ERICH6B: variants seen among roughly 807,000 people sequenced by gnomAD.
The protein encoded by ERICH6B is glutamate rich 6B.
Under a neutral mutation model 80.0 loss-of-function variants are expected in ERICH6B, and 69 were observed. That is an observed-to-expected ratio of 0.86 (90% CI 0.71 to 1.05). The LOEUF (loss-of-function observed/expected upper bound fraction) is 1.05. Ranked by LOEUF, ERICH6B falls within the 50% of genes least tolerant of loss-of-function variation. The probability of loss-of-function intolerance (pLI) is 0.00; values close to 1 mark genes in which losing one functional copy is unlikely to be tolerated. For synonymous variants in ERICH6B, 283 were observed against 291.9 expected (o/e 0.97, Z 0.31); for missense variants, 754 against 796.1 (o/e 0.95, Z 0.64).
At chr13:45,554,971 T>A (rs1039903407) in intron 11 of ERICH6B, among the ~76,000 whole-genome samples, 1 of 152,102 alleles carries the variant, frequency 6.6e-6, no homozygotes, top group African/African-American at 2.4e-5. Context: ...ACCTCATGGG[T>A]GCTTGGTGCA....
In ERICH6B at chr13:45,544,897, G is replaced by T. The variant is rs1456287711; in HGVS notation, c.1735C>A (p.His579Asn). The change falls in exon 14 of 15, where the codon CAC becomes AAC. Residue 579 changes from histidine to asparagine, a missense_variant. Transcript: ENST00000298738. ...GAGATGGGCTGGACAGGGGGTGCGT[G>T]GACATGGATGTTCAGATTCCACCAG... ...WNWWNLNIHV[H>N]APPVQPISLK... The T allele has an allele frequency of 6.4e-7, 1 of 1,551,622 alleles. No individual in the cohort carries two copies. The highest frequency in any genetic ancestry group is 1.4e-5 in the African/African-American group (1 of 73,042).
Position 45,579,812 on chromosome 13 carries a change from T to A in ERICH6B, c.961+121A>T. 6 of 917,820 alleles carry A rather than the reference T, an allele frequency of 6.5e-6. No individual in the cohort carries two copies. The South Asian group carries it at 9.1e-5, about 14-fold the overall frequency. The allele number at this position is 917,820 out of a possible 1,614,324, so 56.9% of individuals were successfully genotyped here. ...TCCGTGTGCCCAGGATGCCCCTCAG[T>A]CCCCTCTGGGCCCTGGGTCATGCTG... On this transcript the variant is annotated intron_variant, in intron 7 of 14. Transcript: ENST00000298738.
At chr13:45,542,163 G>T (rs1873806623) in intron 14 of ERICH6B, among the ~76,000 whole-genome samples, 1 of 152,204 alleles carries the variant, frequency 6.6e-6, no homozygotes, top group South Asian at 2.1e-4. Flanking sequence ...GCCAAGTTCT[G>T]CCTGGGTCTG....
chr13:45,591,315 G>C (rs1343110549), intron 3 of ERICH6B, among the ~76,000 whole-genome samples: 2 of 152,182 alleles, frequency 1.3e-5, no homozygotes, highest in Non-Finnish European at 2.9e-5. Context: ...ATGATGTCTC[G>C]GCTGGGTGAG....
At chr13:45,542,100 GT>G (rs1873804459) in intron 14 of ERICH6B, among the ~76,000 whole-genome samples, 1 of 152,214 alleles carries the variant, frequency 6.6e-6, no homozygotes, top group African/African-American at 2.4e-5. Flanking sequence ...CTCCTTGGGA[GT>G]GTATCTGGGT....
chr13:45,587,659 A>G (rs1390568676), intron 4 of ERICH6B, among the ~76,000 whole-genome samples: 3 of 152,228 alleles, frequency 2.0e-5, no homozygotes, highest in Non-Finnish European at 4.4e-5. Context: ...CTGTCCCTGC[A>G]ATCGGCTCAC....
chr13:45,610,527 T>C (rs1308231928), intron 1 of ERICH6B, among the ~76,000 whole-genome samples: 1 of 152,218 alleles, frequency 6.6e-6, no homozygotes, highest in Non-Finnish European at 1.5e-5. Context: ...TCTCTGTGAA[T>C]TGATTTTGTT....
chr13:45,591,981 C>A (rs1876176073), intron 3 of ERICH6B, among the ~76,000 whole-genome samples: 1 of 151,896 alleles, frequency 6.6e-6, no homozygotes, highest in South Asian at 2.1e-4. Context: ...AGAAACAAAG[C>A]ATGAAAGGAG....
intron 8 of ERICH6B, among the ~76,000 whole-genome samples, chr13:45,573,563 G>A (rs1172483565): frequency 6.6e-6 from 1 of 152,146 alleles, no homozygotes; most frequent in African/African-American, 2.4e-5. Context: ...AGTACTTAAA[G>A]AAATTAAAAA....
rs192100306 is a variant in ERICH6B at position 45,572,725 on chromosome 13, G to T, written c.1050+2117C>A. Among the ~76,000 whole-genome samples, 21 of 152,212 alleles carry T rather than the reference G, an allele frequency of 1.4e-4. No individual in the cohort carries two copies. In the East Asian group the frequency reaches 4.1e-3, roughly 29 times the overall value. ...CAAATTTACATGTATGTCAGAAAAA[G>T]AATTAAGGTCTTTCATATATTAAAA... On this transcript the variant is annotated intron_variant, in intron 8 of 14. Coordinates refer to ENST00000298738, the MANE Select transcript of ERICH6B (RefSeq NM_182542.3).
chr13:45,583,445 A>G (rs1163949914), intron 5 of ERICH6B, among the ~76,000 whole-genome samples: 1 of 152,208 alleles, frequency 6.6e-6, no homozygotes, highest in Non-Finnish European at 1.5e-5. Flanking sequence ...TGTTGAGAGC[A>G]TCCTCATCTT....
intron 9 of ERICH6B, among the ~76,000 whole-genome samples, chr13:45,565,503 A>G (rs954373435): frequency 2.0e-5 from 3 of 152,150 alleles, no homozygotes; most frequent in South Asian, 2.1e-4. Context: ...CCCAAATCTT[A>G]TCTTGAATTC....
intron 3 of ERICH6B, 56 bp from the exon 4 acceptor site, chr13:45,590,753 T>C: frequency 6.8e-7 from 1 of 1,472,120 alleles, no homozygotes; most frequent in Non-Finnish European, 9.3e-7. Flanking sequence ...TTTCTTTCTA[T>C]TTAAAAATAC....
At chr13:45,579,745 C>T (rs1169032077) in intron 7 of ERICH6B, among the ~76,000 whole-genome samples, 188 bp downstream of exon 7, 2 of 152,156 alleles carry the variant, frequency 1.3e-5, no homozygotes, top group African/African-American at 2.4e-5. Context: ...GAGACCCTCT[C>T]TCTGTTTCTC....
chr13:45,590,740 A>C, intron 3 of ERICH6B, 43 bp from the exon 4 acceptor site: 1 of 1,510,000 alleles, frequency 6.6e-7, no homozygotes, highest in East Asian at 2.5e-5. Flanking sequence ...GCAAAAAAGC[A>C]TCTTTCTTTC....
intron 8 of ERICH6B, among the ~76,000 whole-genome samples, chr13:45,569,682 T>G (rs1423055983): frequency 6.6e-6 from 1 of 152,224 alleles, no homozygotes; most frequent in East Asian, 1.9e-4. Context: ...CTACAGCAAG[T>G]GAAAGACCAA....
chr13:45,559,269 T>C (rs941863063), intron 11 of ERICH6B, among the ~76,000 whole-genome samples: 1 of 152,166 alleles, frequency 6.6e-6, no homozygotes, highest in Non-Finnish European at 1.5e-5. Context: ...TTGTTTCTAA[T>C]TGAATTTATT....
At chr13:45,560,122 T>C (rs1874606352) in intron 11 of ERICH6B, among the ~76,000 whole-genome samples, 1 of 152,226 alleles carries the variant, frequency 6.6e-6, no homozygotes, top group African/African-American at 2.4e-5. Context: ...TTTATCATTA[T>C]ATAATCTTCC....
chr13:45,596,462 G>A lies in ERICH6B; in HGVS notation c.544C>T (p.Leu182=), dbSNP rs1876374271. 5 of 1,551,490 alleles carry A rather than the reference G, an allele frequency of 3.2e-6. No homozygotes were observed. Among genetic ancestry groups the A allele is most frequent in the Non-Finnish European group, 4.4e-6 (5 of 1,146,626 alleles). The stretch of plus-strand genomic sequence containing the variant: ...TCCTCCAGATTCTCTTCCTTCTCCA[G>A]AGCCTTTTCCTCTTCTAGATATGAT... ...KKSYLEEEKA[L]EKEENLEEEE... The change falls in exon 3 of 15, where the codon CTG becomes TTG. Residue 182 remains leucine (L), a synonymous_variant. Coordinates refer to ENST00000298738, the MANE Select transcript of ERICH6B (RefSeq NM_182542.3).
Sources: allele counts gnomAD v4.1 joint callset (sites outside exome capture counted in the v4.1 genomes callset), GRCh38; gene constraint gnomAD v4.1.1; transcripts MANE v1.5; gene names NCBI Gene and HGNC (gene_info 2026-07-23, HGNC 2026-07-21).